Variants in CTNNA2 observed in about 807,000 individuals in gnomAD.
CTNNA2 encodes the protein catenin alpha 2.
CTNNA2 carries 42 observed loss-of-function variants against 101.0 expected under a neutral mutation model. That is an observed-to-expected ratio of 0.42 (90% CI 0.32 to 0.54). The LOEUF is 0.54. Among genes scored for constraint, CTNNA2 ranks in the 20% least tolerant of loss-of-function variants. The pLI, the probability that CTNNA2 is intolerant of heterozygous loss-of-function variation, is 0.14. For synonymous variants in CTNNA2, 450 were observed against 456.4 expected, an observed-to-expected ratio of 0.99 and a Z score of 0.18; for missense variants, 871 against 1,223.1, an observed-to-expected ratio of 0.71 and a Z score of 4.29.
intron 2 of CTNNA2, among the ~76,000 whole-genome samples, chr2:79,726,203 T>G (rs1296464376): frequency 1.3e-5 from 2 of 152,230 alleles, no homozygotes; most frequent in African/African-American, 4.8e-5. Context: ...TACACAGCTT[T>G]CTTTTGGTCC....
chr2:80,040,890 CA>C (rs1297646116), intron 7 of CTNNA2, among the ~76,000 whole-genome samples: 1 of 151,954 alleles, frequency 6.6e-6, no homozygotes, highest in African/African-American at 2.4e-5. Context: ...ATATATGTGT[CA>C]AAAAATACAT....
At chr2:79,791,516 G>A (rs1675270479) in intron 3 of CTNNA2, among the ~76,000 whole-genome samples, 1 of 152,186 alleles carries the variant, frequency 6.6e-6, no homozygotes, top group African/African-American at 2.4e-5. Context: ...TTACAAGAAG[G>A]TAATTAAGCC....
chr2:80,062,567 A>C (rs1363410389), intron 7 of CTNNA2, among the ~76,000 whole-genome samples: 1 of 152,192 alleles, frequency 6.6e-6, no homozygotes, highest in Non-Finnish European at 1.5e-5. Context: ...TAACTCAAAG[A>C]ACTAACTTAA....
chr2:80,427,560 G>A (rs1471869909), intron 9 of CTNNA2, among the ~76,000 whole-genome samples: 1 of 152,210 alleles, frequency 6.6e-6, no homozygotes, highest in Non-Finnish European at 1.5e-5. Flanking sequence ...TAGCAATGAT[G>A]AGTTAGACAA....
chr2:80,023,636 T>C (rs1266169926), intron 7 of CTNNA2, among the ~76,000 whole-genome samples: 2 of 152,224 alleles, frequency 1.3e-5, no homozygotes, highest in Non-Finnish European at 1.5e-5. Flanking sequence ...ACAGTAACTC[T>C]TTATGGTATG....
At chr2:79,655,002 A>G (rs1318432760) in intron 2 of CTNNA2, among the ~76,000 whole-genome samples, 1 of 152,154 alleles carries the variant, frequency 6.6e-6, no homozygotes, top group Non-Finnish European at 1.5e-5. Flanking sequence ...ATGGACTTAT[A>G]ATTGTATATG....
rs1347529467 is a variant in CTNNA2 at position 80,334,573 on chromosome 2, C to A, written c.1057-58638C>A. 2.6e-5 allele frequency among the ~76,000 whole-genome samples: 4 copies of A among 151,992 alleles called. No individual in the cohort carries two copies. The South Asian group carries it at 6.3e-4, about 24-fold the overall frequency. On this transcript the variant is annotated intron_variant, in intron 7 of 18. Transcript: ENST00000402739. The stretch of plus-strand genomic sequence containing the variant: ...CCAGGCAAACCAAGATATAAAGTCA[C>A]CCTACATTTCTCAGACATCCCACAC...
intron 1 of CTNNA2, among the ~76,000 whole-genome samples, chr2:79,545,076 A>G (rs1232203532): frequency 6.6e-6 from 1 of 152,318 alleles, no homozygotes; most frequent in Non-Finnish European, 1.5e-5. Flanking sequence ...TCAGCATCAC[A>G]TGATAGCACC....
intron 3 of CTNNA2, among the ~76,000 whole-genome samples, chr2:79,368,251 C>T (rs1367289811): frequency 2.6e-5 from 4 of 152,154 alleles, no homozygotes; most frequent in African/African-American, 9.7e-5. Context: ...ATGGTCTTTG[C>T]CTAGAGCAAC....
At chr2:80,270,893 T>C (rs1013473524) in intron 7 of CTNNA2, among the ~76,000 whole-genome samples, 31 of 152,302 alleles carry the variant, frequency 2.0e-4, no homozygotes, top group South Asian at 2.1e-4. Context: ...ATTCAGATGA[T>C]TGTTTATGGG....
At chr2:80,210,962 G>C (rs1484983157) in intron 7 of CTNNA2, among the ~76,000 whole-genome samples, 2 of 152,078 alleles carry the variant, frequency 1.3e-5, no homozygotes, top group African/African-American at 4.8e-5. Context: ...TTCTCTGATG[G>C]CCAGTGATGA....
At chr2:80,067,705 T>C (rs1000187634) in intron 7 of CTNNA2, among the ~76,000 whole-genome samples, 10 of 152,292 alleles carry the variant, frequency 6.6e-5, no homozygotes, top group African/African-American at 2.4e-4. Flanking sequence ...CTTTGGAGGC[T>C]AGGTCATAAA....
intron 7 of CTNNA2, among the ~76,000 whole-genome samples, chr2:80,035,882 G>A (rs559152168): frequency 5.9e-5 from 9 of 152,182 alleles, no homozygotes; most frequent in Non-Finnish European, 1.3e-4. Flanking sequence ...GTAGCAACCA[G>A]CATGGTATTG....
intron 2 of CTNNA2, among the ~76,000 whole-genome samples, chr2:79,307,075 A>T (rs992839044): frequency 6.8e-6 from 1 of 146,828 alleles, no homozygotes; most frequent in Non-Finnish European, 1.5e-5. Context: ...AATACTTAAT[A>T]ATTTTTTGGT....
At chr2:80,542,351 A>C (rs555999682) in intron 9 of CTNNA2, among the ~76,000 whole-genome samples, 1 of 152,036 alleles carries the variant, frequency 6.6e-6, no homozygotes, top group Non-Finnish European at 1.5e-5. Flanking sequence ...TTATGATTGC[A>C]TGTATGTACT....
chr2:79,646,650 C>T (rs1680842134), intron 1 of CTNNA2, among the ~76,000 whole-genome samples: 1 of 151,712 alleles, frequency 6.6e-6, no homozygotes, highest in Non-Finnish European at 1.5e-5. Context: ...CCACCTCAGC[C>T]TCCTCAGTAG....
At chr2:80,092,044 G>A (rs1201577952) in intron 7 of CTNNA2, among the ~76,000 whole-genome samples, 1 of 152,000 alleles carries the variant, frequency 6.6e-6, no homozygotes, top group Admixed American at 6.6e-5. Context: ...TGTGTCTCTA[G>A]CAATCACGAC....
chr2:80,351,299 G>A (rs956410492), intron 7 of CTNNA2, among the ~76,000 whole-genome samples: 1 of 151,988 alleles, frequency 6.6e-6, no homozygotes, highest in Non-Finnish European at 1.5e-5. Flanking sequence ...TTGTTGTCTG[G>A]TCAATAGAGC....
At chr2:79,445,137 C>G in intron 4 of CTNNA2, among the ~76,000 whole-genome samples, 1 of 152,118 alleles carries the variant, frequency 6.6e-6, no homozygotes, top group East Asian at 1.9e-4. Flanking sequence ...CTTCAATTGC[C>G]ACCATTATTT....
Sources: gnomAD v4.1 joint callset for allele counts (sites outside exome capture counted in the v4.1 genomes callset) on GRCh38, gnomAD v4.1.1 for gene constraint, MANE v1.5 for transcripts, NCBI Gene and HGNC (gene_info 2026-07-23, HGNC 2026-07-21) for gene names.